YPEL2: variants seen among roughly 807,000 people sequenced by gnomAD.
YPEL2 encodes yippee like 2.
Under a neutral mutation model 19.1 loss-of-function variants are expected in YPEL2, and 2 were observed. The observed-to-expected ratio is 0.10, with a 90% CI of 0.04 to 0.33. The LOEUF (loss-of-function observed/expected upper bound fraction) is 0.33, where lower values mean the gene tolerates loss of function less well. Among genes scored for constraint, YPEL2 ranks in the 10% least tolerant of loss-of-function variants. The pLI, the probability that YPEL2 is intolerant of heterozygous loss-of-function variation, is 1.00. For synonymous variants in YPEL2, 52 were observed against 50.0 expected (o/e 1.04, Z -0.17); for missense variants, 66 against 140.7 (o/e 0.47, Z 2.68).
At chr17:59,347,908 C>A (rs756247712) in intron 1 of YPEL2, among the ~76,000 whole-genome samples, 2 of 152,134 alleles carry the variant, frequency 1.3e-5, no homozygotes, top group Non-Finnish European at 2.9e-5. Flanking sequence ...AACTCTCAGG[C>A]CTTCTCCTTT....
chr17:59,394,462 G>A lies in YPEL2; in HGVS notation c.271-2639G>A, dbSNP rs532201840. ...TCACTTCCTAGATGGGATGGCGGCC[G>A]GGAAGAGGCACTCCTCACTTTCCAG... On this transcript the variant is annotated intron_variant, in intron 4 of 4. Coordinates refer to ENST00000312655, the MANE Select transcript of YPEL2 (RefSeq NM_001005404.4). 7.3e-5 allele frequency among the ~76,000 whole-genome samples: 11 copies of A among 151,336 alleles called. No individual in the cohort carries two copies. The South Asian group carries it at 2.1e-3, about 29-fold the overall frequency.
chr17:59,353,558 C>T lies in YPEL2; in HGVS notation c.117+32C>T, dbSNP rs761195441. On this transcript the variant is annotated intron_variant, in intron 2 of 4. Coordinates refer to ENST00000312655, the MANE Select transcript of YPEL2 (RefSeq NM_001005404.4). This position sits in a 1 kb window ranked among gnomAD's most constrained non-coding sequence, Gnocchi z 4.8. ...ATTTCCAGCAGGCCTTCCTTGCCTACCCCGGGGAGGGCGCTTAGTGCTCCT... is the reference window on the plus strand; with the variant it reads ...ATTTCCAGCAGGCCTTCCTTGCCTATCCCGGGGAGGGCGCTTAGTGCTCCT... The T allele has an allele frequency of 4.5e-6, 7 of 1,546,940 alleles. No individual in the cohort carries two copies. The highest frequency in any genetic ancestry group is 6.3e-6 in the Non-Finnish European group (7 of 1,119,354).
intron 2 of YPEL2, among the ~76,000 whole-genome samples, chr17:59,385,626 C>T (rs1471199964): frequency 1.3e-5 from 2 of 151,974 alleles, no homozygotes; most frequent in African/African-American, 4.8e-5. Flanking sequence ...AAGCTGTAAT[C>T]GCCTATGGAT....
intron 2 of YPEL2, among the ~76,000 whole-genome samples, chr17:59,359,058 G>A (rs550069985): frequency 8.1e-4 from 123 of 151,898 alleles, no homozygotes; most frequent in Non-Finnish European, 1.5e-3. Context: ...CAAGTAGCTG[G>A]CATTACAGGT....
chr17:59,377,520 C>A (rs555267075), intron 2 of YPEL2, among the ~76,000 whole-genome samples: 85 of 152,302 alleles, frequency 5.6e-4, no homozygotes, highest in African/African-American at 1.9e-3. Context: ...ATGGGCATCC[C>A]CCACTCCATC....
At chr17:59,350,652 G>C (rs1451953744) in intron 1 of YPEL2, among the ~76,000 whole-genome samples, 1 of 152,216 alleles carries the variant, frequency 6.6e-6, no homozygotes, top group African/African-American at 2.4e-5. Flanking sequence ...ACAGAAGGTA[G>C]CTTTGAATAA....
intron 1 of YPEL2, among the ~76,000 whole-genome samples, chr17:59,334,571 AACACACACACACACACACACACACAC>A (rs35386954): frequency 6.9e-6 from 1 of 145,122 alleles, no homozygotes. Context: ...TTCAGGCACA[AACACACACACACACACACACACACAC>A]ACACACACAC....
At chr17:59,335,816 T>C (rs1243345980) in intron 1 of YPEL2, among the ~76,000 whole-genome samples, 1 of 152,144 alleles carries the variant, frequency 6.6e-6, no homozygotes, top group Non-Finnish European at 1.5e-5. Flanking sequence ...CTGACAAGTC[T>C]TGGGATTACA....
At chr17:59,389,330 C>T (rs1322155482) in intron 3 of YPEL2, 30 bp from the exon 4 acceptor site, 2 of 1,584,936 alleles carry the variant, frequency 1.3e-6, no homozygotes, top group South Asian at 2.2e-5. Context: ...TCACTAACTA[C>T]CCACTCTCTC....
chr17:59,382,340 C>CCTGG (rs1003401491), intron 2 of YPEL2, among the ~76,000 whole-genome samples: 26 of 151,636 alleles, frequency 1.7e-4, no homozygotes, highest in African/African-American at 6.1e-4. Flanking sequence ...TGCCTTAGGG[C>CCTGG]CTGGCTGGCA....
At chr17:59,333,672 C>A (rs1046021071) in intron 1 of YPEL2, among the ~76,000 whole-genome samples, 1 of 152,106 alleles carries the variant, frequency 6.6e-6, no homozygotes, top group African/African-American at 2.4e-5. Flanking sequence ...ATTTGATTTC[C>A]TGACCAAGCA....
intron 2 of YPEL2, among the ~76,000 whole-genome samples, chr17:59,376,500 G>A (rs554825093): frequency 6.6e-6 from 1 of 152,338 alleles, no homozygotes; most frequent in African/African-American, 2.4e-5. Flanking sequence ...TTACAGGTGT[G>A]AGCCACCATG....
intron 4 of YPEL2, among the ~76,000 whole-genome samples, chr17:59,391,846 G>A (rs2048008953): frequency 6.6e-6 from 1 of 152,032 alleles, no homozygotes; most frequent in Non-Finnish European, 1.5e-5. Context: ...GTTGCAGTGA[G>A]CCGAGATCAT....
intron 1 of YPEL2, among the ~76,000 whole-genome samples, chr17:59,333,078 A>G (rs1371515403): frequency 6.6e-6 from 1 of 152,164 alleles, no homozygotes; most frequent in East Asian, 1.9e-4. Context: ...GTGGGACTTG[A>G]TTTCACATGG....
chr17:59,357,868 G>A (rs2047820758), intron 2 of YPEL2, among the ~76,000 whole-genome samples: 1 of 152,118 alleles, frequency 6.6e-6, no homozygotes, highest in African/African-American at 2.4e-5. Flanking sequence ...GCCAACACAC[G>A]GTTGCTTTAG....
intron 1 of YPEL2, among the ~76,000 whole-genome samples, chr17:59,337,403 A>T (rs1000200093): frequency 4.0e-5 from 6 of 151,788 alleles, no homozygotes; most frequent in Admixed American, 3.9e-4. Flanking sequence ...GTTAGCCAGG[A>T]TGGTCTCGAT....
At chr17:59,393,526 AT>A (rs1473736780) in intron 4 of YPEL2, among the ~76,000 whole-genome samples, 1 of 134,280 alleles carries the variant, frequency 7.4e-6, no homozygotes, top group Non-Finnish European at 1.6e-5. Context: ...TTATTTATTT[AT>A]TTTTTATTGA....
chr17:59,349,098 C>T (rs560446641), intron 1 of YPEL2, among the ~76,000 whole-genome samples: 4 of 143,286 alleles, frequency 2.8e-5, no homozygotes, highest in Non-Finnish European at 6.0e-5. Flanking sequence ...GGCGTGAACC[C>T]GGGAGGCAGA....
chr17:59,383,130 G>T (rs756505172), intron 2 of YPEL2, among the ~76,000 whole-genome samples: 2 of 152,034 alleles, frequency 1.3e-5, no homozygotes, highest in Non-Finnish European at 2.9e-5. Context: ...GAGTGTGCAG[G>T]CATAGATTTT....
Sources: allele counts gnomAD v4.1 joint callset (sites outside exome capture counted in the v4.1 genomes callset), GRCh38; gene constraint gnomAD v4.1.1; non-coding constraint Gnocchi (gnomAD v3.1); transcripts MANE v1.5; gene names NCBI Gene and HGNC (gene_info 2026-07-23, HGNC 2026-07-21).